TSG101: variants seen among roughly 807,000 people sequenced by gnomAD.
TSG101 encodes the protein tumor susceptibility 101, also known as tumor susceptibility gene 101 protein.
In TSG101, 19 loss-of-function variants were observed where a neutral mutation model predicts 48.5. The observed-to-expected ratio is 0.39, with a 90% CI of 0.27 to 0.58. TSG101 has a LOEUF of 0.58. Among genes scored for constraint, TSG101 ranks in the 20% least tolerant of loss-of-function variants. The probability of loss-of-function intolerance (pLI) is 0.55; values close to 1 mark genes in which losing one functional copy is unlikely to be tolerated. For synonymous variants in TSG101, 174 were observed against 169.4 expected (o/e 1.03, Z -0.21); for missense variants, 365 against 484.4 (o/e 0.75, Z 2.31).
rs1565079129 is a variant in TSG101 at position 18,480,444 on chromosome 11, A to T, written c.*102T>A. 1 of 837,292 alleles carries T rather than the reference A, an allele frequency of 1.2e-6. No individual in the cohort carries two copies. The highest frequency in any genetic ancestry group is 1.7e-5 in the African/African-American group (1 of 57,886). 51.9% of individuals were successfully genotyped at this position (837,292 alleles called of 1,614,324 possible). Reference sequence around the variant, plus strand: ...ATATTATTGATTCAAAATATTTTACACTTGAATGATAAACTGCAATAACTT... The same window carrying T: ...ATATTATTGATTCAAAATATTTTACTCTTGAATGATAAACTGCAATAACTT... On this transcript the variant is annotated 3_prime_UTR_variant, in exon 10 of 10. Transcript: ENST00000251968.
Position 18,497,174 on chromosome 11 carries a change from C to A in TSG101, c.640+5312G>T, listed in dbSNP as rs997456775. Among the ~76,000 whole-genome samples, 6 of 152,194 alleles carry A rather than the reference C, an allele frequency of 3.9e-5. No homozygotes were observed. In the East Asian group the frequency reaches 1.2e-3, roughly 29 times the overall value. On this transcript the variant is annotated intron_variant, in intron 7 of 9. Transcript: ENST00000251968. ...TCAGTAACAGAATAACAGCCCAAAT[C>A]GTGACCATTGATATACTGAGAAAAT...
At chr11:18,525,214 A>C (rs1438035696) in intron 1 of TSG101, among the ~76,000 whole-genome samples, 1 of 152,106 alleles carries the variant, frequency 6.6e-6, no homozygotes, top group Non-Finnish European at 1.5e-5. Context: ...CAGCCCAAGG[A>C]CTAAATCTTA....
At chr11:18,501,670 C>G (rs1849891944) in intron 7 of TSG101, among the ~76,000 whole-genome samples, 2 of 152,176 alleles carry the variant, frequency 1.3e-5, no homozygotes, top group African/African-American at 4.8e-5. Flanking sequence ...TATTTCGACA[C>G]AGACTGCACT....
At chr11:18,511,342 C>T (rs543466048) in intron 4 of TSG101, 1 of 152,316 alleles carries the variant, frequency 6.6e-6, no homozygotes, top group East Asian at 1.9e-4. Context: ...ACCAAACTCA[C>T]CTCATTTGTT....
At chr11:18,526,678 G>T (rs1431877450) in intron 1 of TSG101, 97 bp downstream of exon 1, 3 of 1,461,206 alleles carry the variant, frequency 2.1e-6, no homozygotes, top group African/African-American at 2.8e-5. Flanking sequence ...CTTCCGGCCC[G>T]TCTGGGAAGC....
At chr11:18,526,624 C>T in intron 1 of TSG101, 151 bp downstream of exon 1, 1 of 899,074 alleles carries the variant, frequency 1.1e-6, no homozygotes, top group African/African-American at 1.7e-5. Flanking sequence ...CGACAGGCGC[C>T]TCGGGGCGGG....
At chr11:18,526,623 C>G in intron 1 of TSG101, 152 bp downstream of exon 1, 1 of 875,606 alleles carries the variant, frequency 1.1e-6, no homozygotes, top group Non-Finnish European at 1.7e-6. Context: ...GCGACAGGCG[C>G]CTCGGGGCGG....
At chr11:18,501,142 C>G (rs1054787719) in intron 7 of TSG101, among the ~76,000 whole-genome samples, 2 of 152,146 alleles carry the variant, frequency 1.3e-5, no homozygotes. Context: ...TCGCAGTAGT[C>G]TATTTTTGTT....
intron 7 of TSG101, among the ~76,000 whole-genome samples, 160 bp downstream of exon 7, chr11:18,502,326 T>C (rs944737883): frequency 1.3e-5 from 2 of 152,246 alleles, no homozygotes; most frequent in Non-Finnish European, 2.9e-5. Flanking sequence ...TTCATTTATA[T>C]GTTAAGTCAT....
chr11:18,503,943 C>G (rs1275612619), intron 6 of TSG101, among the ~76,000 whole-genome samples: 1 of 152,062 alleles, frequency 6.6e-6, no homozygotes, highest in Non-Finnish European at 1.5e-5. Context: ...GTGGATCACA[C>G]CTGTAATCCT....
At chr11:18,523,930 A>C (rs751124048) in intron 1 of TSG101, among the ~76,000 whole-genome samples, 2 of 152,214 alleles carry the variant, frequency 1.3e-5, no homozygotes, top group African/African-American at 2.4e-5. Flanking sequence ...AGCTAGGACT[A>C]CAGGTGCAAG....
chr11:18,496,652 C>T (rs1162532510), intron 7 of TSG101, among the ~76,000 whole-genome samples: 2 of 151,808 alleles, frequency 1.3e-5, no homozygotes, highest in Non-Finnish European at 2.9e-5. Flanking sequence ...AAAAATTAGC[C>T]GGGCATGGTG....
rs139863450 is a variant in TSG101, at chr11:18,503,164, A to G, written c.549-587T>C. On this transcript the variant is annotated intron_variant, in intron 6 of 9. Transcript: ENST00000251968. ...TTCTACTCCAATCACCTTTCCAACA[A>G]TCTCTTATCTACACACATCATTTAT... Among the ~76,000 whole-genome samples, 5 of 151,706 alleles carry G rather than the reference A, an allele frequency of 3.3e-5. No individual in the cohort carries two copies. In the East Asian group the frequency reaches 9.8e-4, roughly 30 times the overall value.
At chr11:18,510,765 C>CA (rs112960903) in intron 4 of TSG101, among the ~76,000 whole-genome samples, 17,263 of 151,928 alleles carry the variant, frequency 0.11, 1,232 homozygotes, top group South Asian at 0.24. Context: ...CTGGTCTCTA[C>CA]AAAAAAATTA....
At chr11:18,525,070 C>G (rs1182191322) in intron 1 of TSG101, among the ~76,000 whole-genome samples, 1 of 151,818 alleles carries the variant, frequency 6.6e-6, no homozygotes, top group African/African-American at 2.4e-5. Flanking sequence ...CGCCATCATG[C>G]CCGGCTAATT....
chr11:18,519,413 C>A lies in TSG101; in HGVS notation c.127+106G>T, dbSNP rs144437860. The A allele has an allele frequency of 1.2e-3, 1,065 of 875,106 alleles. 18 individuals are homozygous for A. The East Asian group carries it at 0.024, about 20-fold the overall frequency. 54.2% of individuals were successfully genotyped at this position (875,106 alleles called of 1,614,324 possible). The stretch of plus-strand genomic sequence containing the variant: ...CAGTTTTATTAGGCGGTGGTGCAAT[C>A]CCACAATTGAAAAATCCACAAACCT... On this transcript the variant is annotated intron_variant, in intron 2 of 9. Transcript: ENST00000251968.
Position 18,484,076 on chromosome 11 carries a change from C to G in TSG101, c.641-4G>C, listed in dbSNP as rs765138138. On this transcript the variant is annotated splice_region_variant and splice_polypyrimidine_tract_variant and intron_variant, in intron 7 of 9. Transcript: ENST00000251968. ...ATTGTGCCATCCCTACTGGGACCTG[C>G]AGGAAACAGAGGCAAAAAACACTTG... 1.2e-6 allele frequency: 2 copies of G among 1,613,676 alleles called. No individual in the cohort carries two copies. Among genetic ancestry groups the G allele is most frequent in the East Asian group, 2.2e-5 (1 of 44,862 alleles).
chr11:18,518,710 G>C (rs1322025022), intron 2 of TSG101, among the ~76,000 whole-genome samples: 1 of 151,862 alleles, frequency 6.6e-6, no homozygotes, highest in Admixed American at 6.6e-5. Flanking sequence ...GAGACACTAT[G>C]GGGGCAGGGA....
chr11:18,514,792 TG>T lies in TSG101; in HGVS notation c.242del (p.Pro81HisfsTer15). 1 of 1,596,562 alleles carries T rather than the reference TG, an allele frequency of 6.3e-7. No homozygotes were observed. The highest frequency in any genetic ancestry group is 1.1e-5 in the South Asian group (1 of 87,564). ...PICLWLLDTY[P>X]YNPPICFVKP... ...TAACAAAACAGATAGGGGGATTATA[TG>T]GGTATGTGTCCAGTAGCCATAGGCA... On this transcript the variant is annotated frameshift_variant, in exon 4 of 10. Coordinates refer to ENST00000251968, the MANE Select transcript of TSG101 (RefSeq NM_006292.4). LOFTEE classifies it high-confidence loss of function.
Sources: gnomAD v4.1 joint callset for allele counts (sites outside exome capture counted in the v4.1 genomes callset) on GRCh38, gnomAD v4.1.1 for gene constraint, MANE v1.5 for transcripts, NCBI Gene and HGNC (gene_info 2026-07-23, HGNC 2026-07-21) for gene names.